PIBF1: variants seen among roughly 807,000 people sequenced by gnomAD.
PIBF1 encodes progesterone immunomodulatory binding factor 1.
PIBF1 carries 90 observed loss-of-function variants against 112.5 expected under a neutral mutation model. That is an observed-to-expected ratio of 0.80 (90% CI 0.67 to 0.95). PIBF1 has a LOEUF of 0.95. Ranked by LOEUF, PIBF1 falls within the 40% of genes least tolerant of loss-of-function variation. The pLI is 0.00. For synonymous variants in PIBF1, 301 were observed against 288.6 expected (o/e 1.04, Z -0.44); for missense variants, 915 against 852.3 (o/e 1.07, Z -0.92).
chr13:72,981,354 GA>G (rs1338857457), intron 16 of PIBF1, among the ~76,000 whole-genome samples: 1 of 151,834 alleles, frequency 6.6e-6, no homozygotes, highest in Non-Finnish European at 1.5e-5. Flanking sequence ...ATGGTGACAG[GA>G]AGAAGCAAAA....
intron 16 of PIBF1, among the ~76,000 whole-genome samples, chr13:72,974,487 A>C (rs1194259712): frequency 6.6e-6 from 1 of 152,212 alleles, no homozygotes; most frequent in Non-Finnish European, 1.5e-5. Context: ...GGCTTTTCTC[A>C]GTTACAATAA....
intron 14 of PIBF1, among the ~76,000 whole-genome samples, chr13:72,931,938 C>CTTTT (rs59274277): frequency 2.9e-3 from 297 of 100,738 alleles, no homozygotes; most frequent in Non-Finnish European, 3.7e-3. Flanking sequence ...TTGTTTCTTT[C>CTTTT]TTTTTTTTTT....
At chr13:72,996,091 G>GGT (rs1555331046) in intron 16 of PIBF1, among the ~76,000 whole-genome samples, 1 of 120,156 alleles carries the variant, frequency 8.3e-6, no homozygotes, top group Non-Finnish European at 1.8e-5. Flanking sequence ...AAAAAGCGGG[G>GGT]GGGGGGGGTC....
intron 10 of PIBF1, among the ~76,000 whole-genome samples, chr13:72,874,051 A>G (rs34386590): frequency 2.0e-5 from 3 of 152,200 alleles, no homozygotes; most frequent in Non-Finnish European, 4.4e-5. Context: ...CATTACCACT[A>G]CAACCACTAG....
chr13:72,887,039 C>CT (rs747807659), intron 10 of PIBF1, among the ~76,000 whole-genome samples: 2,291 of 130,684 alleles, frequency 0.018, 34 homozygotes, highest in African/African-American at 0.025. Context: ...TATAGTTTTT[C>CT]TTTTTTTTTT....
chr13:72,962,821 C>G (rs1368814161), intron 14 of PIBF1, among the ~76,000 whole-genome samples: 3 of 151,940 alleles, frequency 2.0e-5, no homozygotes, highest in Non-Finnish European at 4.4e-5. Flanking sequence ...CCTAAATGGC[C>G]AAAACAATCT....
intron 13 of PIBF1, among the ~76,000 whole-genome samples, chr13:72,920,358 G>A (rs762311866): frequency 5.7e-4 from 87 of 152,182 alleles, no homozygotes; most frequent in Non-Finnish European, 1.1e-3. Flanking sequence ...TGACGGGAAA[G>A]TAAGGCTAGA....
intron 16 of PIBF1, among the ~76,000 whole-genome samples, chr13:72,985,705 G>C (rs1243840893): frequency 6.6e-6 from 1 of 152,150 alleles, no homozygotes; most frequent in Non-Finnish European, 1.5e-5. Flanking sequence ...ACTAAGAGAA[G>C]GCTGGAATAC....
In PIBF1 at chr13:72,789,868, A is replaced by C. The variant is rs905017105; in HGVS notation, c.253-2579A>C. Among the ~76,000 whole-genome samples, 3 of 152,280 alleles carry C rather than the reference A, an allele frequency of 2.0e-5. No individual in the cohort carries two copies. The East Asian group carries it at 5.8e-4, about 29-fold the overall frequency. On this transcript the variant is annotated intron_variant, in intron 2 of 17. Transcript: ENST00000326291. Reference sequence around the variant, plus strand: ...AAGTTTCAGACTTCAGAGCATTTTGAATTTCAGATTTTAGGGTTTGGGATG... The same window carrying C: ...AAGTTTCAGACTTCAGAGCATTTTGCATTTCAGATTTTAGGGTTTGGGATG...
At chr13:72,951,198 G>A (rs2042287281) in intron 14 of PIBF1, among the ~76,000 whole-genome samples, 1 of 152,030 alleles carries the variant, frequency 6.6e-6, no homozygotes, top group South Asian at 2.1e-4. Flanking sequence ...ATTTATCTTC[G>A]GGTCGTAGGG....
chr13:72,925,686 C>T (rs1279459141), intron 13 of PIBF1, among the ~76,000 whole-genome samples: 2 of 151,402 alleles, frequency 1.3e-5, no homozygotes, highest in African/African-American at 4.9e-5. Flanking sequence ...GGATTACAGG[C>T]GCCTGCCACC....
At chr13:72,873,069 T>C (rs976844728) in intron 10 of PIBF1, among the ~76,000 whole-genome samples, 1 of 152,162 alleles carries the variant, frequency 6.6e-6, no homozygotes, top group Admixed American at 6.5e-5. Flanking sequence ...CTCAGCAGAC[T>C]TTTTTTGTAG....
chr13:72,792,592 A>C, intron 3 of PIBF1, 45 bp downstream of exon 3: 1 of 980,858 alleles, frequency 1.0e-6, no homozygotes, highest in Non-Finnish European at 1.5e-6. Flanking sequence ...CTATTTAGCA[A>C]TTAAAAGTAA....
chr13:72,827,956 A>G, intron 8 of PIBF1, 42 bp downstream of exon 8: 1 of 1,394,608 alleles, frequency 7.2e-7, no homozygotes. Flanking sequence ...ATACCAATTA[A>G]CAGATTTTCT....
intron 14 of PIBF1, among the ~76,000 whole-genome samples, chr13:72,936,675 T>C (rs1282528354): frequency 5.9e-5 from 9 of 152,326 alleles, no homozygotes; most frequent in Admixed American, 1.3e-4. Context: ...CCACACTATC[T>C]TGATTGCTGT....
At chr13:72,874,993 T>C (rs1459089232) in intron 10 of PIBF1, among the ~76,000 whole-genome samples, 1 of 152,190 alleles carries the variant, frequency 6.6e-6, no homozygotes, top group Non-Finnish European at 1.5e-5. Flanking sequence ...TTTAATACTT[T>C]CATTTCTGGT....
intron 9 of PIBF1, among the ~76,000 whole-genome samples, chr13:72,844,311 G>A (rs2037736468): frequency 6.6e-6 from 1 of 152,126 alleles, no homozygotes; most frequent in South Asian, 2.1e-4. Flanking sequence ...CTACAATTTT[G>A]AAGTTAATTT....
chr13:72,828,543 T>A (rs2036939788), intron 8 of PIBF1, among the ~76,000 whole-genome samples: 1 of 152,148 alleles, frequency 6.6e-6, no homozygotes, highest in Non-Finnish European at 1.5e-5. Flanking sequence ...TTTCTGTTCT[T>A]GTGATAGTTT....
intron 11 of PIBF1, among the ~76,000 whole-genome samples, chr13:72,905,677 A>T (rs2040678227): frequency 6.6e-6 from 1 of 151,994 alleles, no homozygotes; most frequent in Non-Finnish European, 1.5e-5. Flanking sequence ...TCCTTTTTTT[A>T]TTGCCTTTAG....
Sources: gnomAD v4.1 joint callset for allele counts (sites outside exome capture counted in the v4.1 genomes callset) on GRCh38, gnomAD v4.1.1 for gene constraint, MANE v1.5 for transcripts, NCBI Gene and HGNC (gene_info 2026-07-23, HGNC 2026-07-21) for gene names.